TIMP3: variants seen among roughly 807,000 people sequenced by gnomAD.
TIMP3 encodes TIMP metallopeptidase inhibitor 3.
TIMP3 carries 11 observed loss-of-function variants against 30.0 expected under a neutral mutation model. The ratio of observed to expected loss-of-function variants is 0.37; its 90% confidence interval spans 0.23 to 0.61. TIMP3 has a LOEUF of 0.61. Ranked by LOEUF, TIMP3 falls within the 20% of genes least tolerant of loss-of-function variation. TIMP3 has a pLI of 0.70. For synonymous variants in TIMP3, 112 were observed against 111.3 expected, an observed-to-expected ratio of 1.01 and a Z score of -0.04; for missense variants, 181 against 276.8, an observed-to-expected ratio of 0.65 and a Z score of 2.45.
chr22:32,821,191 T>C (rs2146061744), intron 1 of TIMP3, among the ~76,000 whole-genome samples: 1 of 152,336 alleles, frequency 6.6e-6, no homozygotes, highest in Admixed American at 6.5e-5. Flanking sequence ...CTTTTACCAC[T>C]GGAGTTAGTT....
In TIMP3 at chr22:32,857,993, TTGTTTTCTTCTTTCCTCC is replaced by T. The variant is rs763969935; in HGVS notation, c.317-20_317-3del. On this transcript the variant is annotated splice_polypyrimidine_tract_variant and splice_region_variant and intron_variant, in intron 3 of 4. Transcript: ENST00000266085. ...AGGCTCTGGACAAAACAACCTCTCCTTGTTTTCTTCTTTCCTCCTGTAGGTCGCGTCTATGATGGCAAG... is the reference window on the plus strand; with the variant it reads ...AGGCTCTGGACAAAACAACCTCTCCTTGTAGGTCGCGTCTATGATGGCAAG... The T allele has an allele frequency of 6.2e-7, 1 of 1,614,066 alleles. No homozygotes were observed. Among genetic ancestry groups the T allele is most frequent in the South Asian group, 1.1e-5 (1 of 91,084 alleles).
At chr22:32,857,442 G>C (rs2048402011) in intron 3 of TIMP3, 82 bp downstream of exon 3, 1 of 1,024,826 alleles carries the variant, frequency 9.8e-7, no homozygotes, top group African/African-American at 1.6e-5. Flanking sequence ...ATACGGAGTA[G>C]TTGACTCACC....
At chr22:32,814,819 C>G (rs1208612261) in intron 1 of TIMP3, among the ~76,000 whole-genome samples, 1 of 152,060 alleles carries the variant, frequency 6.6e-6, no homozygotes, top group Non-Finnish European at 1.5e-5. Flanking sequence ...TGATATTGCT[C>G]AGGAGAAACA....
intron 1 of TIMP3, among the ~76,000 whole-genome samples, chr22:32,838,651 C>T (rs572098951): frequency 1.2e-4 from 18 of 152,148 alleles, no homozygotes; most frequent in African/African-American, 4.1e-4. Context: ...TGTCGGTATT[C>T]GGCCTCTCCA....
intron 1 of TIMP3, among the ~76,000 whole-genome samples, chr22:32,812,271 T>C (rs2046935876): frequency 6.6e-6 from 1 of 152,188 alleles, no homozygotes; most frequent in Admixed American, 6.5e-5. Flanking sequence ...TAGGTAACTT[T>C]GTTAGAAATA....
intron 1 of TIMP3, among the ~76,000 whole-genome samples, chr22:32,832,592 C>T (rs531004388): frequency 9.3e-5 from 14 of 149,786 alleles, no homozygotes; most frequent in Non-Finnish European, 1.6e-4. Flanking sequence ...CAGATGAGTA[C>T]AGTTATTTAG....
At chr22:32,838,419 C>T (rs1481358816) in intron 1 of TIMP3, among the ~76,000 whole-genome samples, 1 of 152,134 alleles carries the variant, frequency 6.6e-6, no homozygotes, top group African/African-American at 2.4e-5. Context: ...GCAGAGGAGT[C>T]AGCAGGTCTA....
intron 1 of TIMP3, among the ~76,000 whole-genome samples, chr22:32,846,935 T>TG (rs879764379): frequency 6.6e-6 from 1 of 152,194 alleles, no homozygotes; most frequent in Non-Finnish European, 1.5e-5. Context: ...AGGAAGGAGT[T>TG]GGCTGGTTGT....
rs2048513770 is a variant in TIMP3, at chr22:32,860,817, T to A, written c.*1440T>A. ...TCCCTTTCCCTAGCTCCCTGGTGGG[T>A]GAATGCCACCTCCTGAGATCCTCAC... On this transcript the variant is annotated 3_prime_UTR_variant, in exon 5 of 5. Transcript: ENST00000266085. 1 of 151,854 alleles carries A rather than the reference T, an allele frequency of 6.6e-6. No homozygotes were observed. Among genetic ancestry groups the A allele is most frequent in the Admixed American group, 6.6e-5 (1 of 15,228 alleles). 9.4% of individuals were successfully genotyped at this position (151,854 alleles called of 1,614,324 possible).
At chr22:32,843,715 C>T (rs1046484339) in intron 1 of TIMP3, among the ~76,000 whole-genome samples, 1 of 152,174 alleles carries the variant, frequency 6.6e-6, no homozygotes. Flanking sequence ...ATGGTCCAGG[C>T]TTTTCTTCCT....
rs140128501 is a variant in TIMP3, at chr22:32,814,410, GA to G, written c.121+12292del. On this transcript the variant is annotated intron_variant, in intron 1 of 4. Transcript: ENST00000266085. ...AAACATTGGGAGCTGAGCTTAATGA[GA>G]AAAGGCCATTCCTAACTGCTAAGCT... Among the ~76,000 whole-genome samples the G allele has an allele frequency of 8.3e-3, 1,223 of 146,908 alleles. 10 individuals carry two copies. The highest frequency in any genetic ancestry group is 0.012 in the Non-Finnish European group (780 of 66,696).
At position 32,861,176 on chromosome 22, in the gene TIMP3, G is replaced by GA. The variant is rs397690270; in HGVS notation, c.*1812dup. ...AGAGCTGCCAATTGAAACAGAAGAA[G>GA]AAAAAAAAAAAAAGCAGCAGACAAC... On this transcript the variant is annotated 3_prime_UTR_variant, in exon 5 of 5. Coordinates refer to ENST00000266085, the MANE Select transcript of TIMP3 (RefSeq NM_000362.5). The GA allele has an allele frequency of 8.8e-4, 126 of 143,214 alleles. No homozygotes were observed. Among genetic ancestry groups the GA allele is most frequent in the Middle Eastern group, 7.2e-3 (2 of 278 alleles). The allele number at this position is 143,214 out of a possible 1,614,324, so 8.9% of individuals were successfully genotyped here. A position where few individuals can be genotyped will look rare whatever the true frequency, so the allele number is the denominator to read the frequency against.
chr22:32,802,036 G>T lies in TIMP3; in HGVS notation c.35G>T (p.Gly12Val). Reference sequence around the variant, plus strand: ...TGGCTCGGGCTCATCGTGCTCCTGGGCAGCTGGAGCCTGGGGGACTGGGGC... The same window carrying T: ...TGGCTCGGGCTCATCGTGCTCCTGGTCAGCTGGAGCCTGGGGGACTGGGGC... ...TPWLGLIVLL[G>V]SWSLGDWGAE... The change falls in exon 1 of 5, where the codon GGC (glycine) becomes GTC (valine). Residue 12 changes from glycine to valine, a missense_variant. This residue lies in a region of TIMP3 where 71 missense variants were observed against 79.7 expected (regional missense o/e 0.89). Transcript: ENST00000266085. The T allele has an allele frequency of 6.3e-7, 1 of 1,576,304 alleles. No homozygotes were observed.
chr22:32,823,940 A>G (rs1164563166), intron 1 of TIMP3, among the ~76,000 whole-genome samples: 1 of 152,152 alleles, frequency 6.6e-6, no homozygotes, highest in Non-Finnish European at 1.5e-5. Context: ...GTGACATCTT[A>G]TGAAGTCAGC....
chr22:32,811,818 A>G (rs1462077528), intron 1 of TIMP3, among the ~76,000 whole-genome samples: 1 of 152,220 alleles, frequency 6.6e-6, no homozygotes, highest in Admixed American at 6.5e-5. Flanking sequence ...CAAGCCCAAC[A>G]CTTGTCAAGG....
chr22:32,809,525 A>T (rs1414211763), intron 1 of TIMP3, among the ~76,000 whole-genome samples: 1 of 151,896 alleles, frequency 6.6e-6, no homozygotes, highest in Non-Finnish European at 1.5e-5. Flanking sequence ...ACTTTTCAAC[A>T]CTATGGAATT....
At chr22:32,852,187 A>C (rs1348143453) in intron 2 of TIMP3, among the ~76,000 whole-genome samples, 4 of 152,182 alleles carry the variant, frequency 2.6e-5, no homozygotes, top group African/African-American at 9.7e-5. Context: ...AGGTCATATA[A>C]CTGTTAAGAT....
At chr22:32,853,992 A>T (rs1393923594) in intron 2 of TIMP3, among the ~76,000 whole-genome samples, 2 of 152,164 alleles carry the variant, frequency 1.3e-5, no homozygotes, top group Non-Finnish European at 2.9e-5. Context: ...TTTGGATTAG[A>T]TTACCTTTAA....
chr22:32,830,612 G>A (rs1242032305), intron 1 of TIMP3, among the ~76,000 whole-genome samples: 23 of 152,126 alleles, frequency 1.5e-4, no homozygotes, highest in Admixed American at 1.5e-3. Flanking sequence ...ATAGATATGC[G>A]AGTTAAAGGA....
Sources: allele counts gnomAD v4.1 joint callset (sites outside exome capture counted in the v4.1 genomes callset), GRCh38; gene constraint gnomAD v4.1.1; regional missense constraint gnomAD v4.1.1; transcripts MANE v1.5; gene names NCBI Gene and HGNC (gene_info 2026-07-23, HGNC 2026-07-21).